Variants in UNC5D observed in about 807,000 individuals in gnomAD.
The protein encoded by UNC5D is unc-5 netrin receptor D, also known as netrin receptor UNC5D.
A neutral mutation model predicts 105.4 loss-of-function variants in UNC5D; 39 were observed. The ratio of observed to expected loss-of-function variants is 0.37; its 90% CI spans 0.29 to 0.48. The LOEUF is 0.48. Ranked by LOEUF, UNC5D falls within the 20% of genes least tolerant of loss-of-function variation. The pLI is 0.98. For synonymous variants in UNC5D, 452 were observed against 450.4 expected (o/e 1.00, Z -0.04); for missense variants, 991 against 1,202.4 (o/e 0.82, Z 2.60).
intron 1 of UNC5D, among the ~76,000 whole-genome samples, chr8:35,533,649 G>A (rs1053433407): frequency 4.8e-4 from 73 of 152,264 alleles, no homozygotes; most frequent in African/African-American, 1.7e-3. Flanking sequence ...CCCCAGCCTC[G>A]CTGCCACCTT....
chr8:35,367,704 CAGGCAAG>C (rs1802198386), intron 1 of UNC5D, among the ~76,000 whole-genome samples: 1 of 151,298 alleles, frequency 6.6e-6, no homozygotes, highest in South Asian at 2.1e-4. Flanking sequence ...TAAAACAGAG[CAGGCAAG>C]AGGAGTGAAT....
At chr8:35,788,164 C>G (rs1432737022) in intron 16 of UNC5D, among the ~76,000 whole-genome samples, 1 of 151,194 alleles carries the variant, frequency 6.6e-6, no homozygotes, top group Non-Finnish European at 1.5e-5. Context: ...TAAAACAGCA[C>G]TTTATTCACT....
chr8:35,239,811 G>A (rs928253369), intron 1 of UNC5D, among the ~76,000 whole-genome samples: 7 of 152,034 alleles, frequency 4.6e-5, no homozygotes, highest in African/African-American at 1.7e-4. Flanking sequence ...CAATGGAAAC[G>A]TTCCCTATTT....
intron 1 of UNC5D, among the ~76,000 whole-genome samples, chr8:35,384,671 C>G (rs1353558877): frequency 6.6e-6 from 1 of 152,206 alleles, no homozygotes; most frequent in African/African-American, 2.4e-5. Context: ...GAGCCAGTGA[C>G]CCACATTTAT....
intron 1 of UNC5D, among the ~76,000 whole-genome samples, chr8:35,401,861 G>A (rs1017637596): frequency 1.2e-4 from 19 of 152,172 alleles, no homozygotes; most frequent in African/African-American, 3.4e-4. Context: ...TGGCAAAGTC[G>A]GCATTATCCT....
chr8:35,774,472 C>T lies in UNC5D; in HGVS notation c.2652C>T (p.Ile884=). The T allele has an allele frequency of 6.2e-7, 1 of 1,613,938 alleles. No homozygotes were observed. The highest frequency in any genetic ancestry group is 8.5e-7 in the Non-Finnish European group (1 of 1,179,938). ...AGATGTTAGCACAGAAAAACAGCATCAACAGGTAATTGGGGACAGCTTCTG... is the reference window on the plus strand; with the variant it reads ...AGATGTTAGCACAGAAAAACAGCATTAACAGGTAATTGGGGACAGCTTCTG... The part of the protein sequence containing the change: ...DWQMLAQKNS[I]NRNLSYFATQ... Residue 884 remains isoleucine, a synonymous_variant, in exon 16 of 17, where the codon ATC becomes ATT. Coordinates refer to ENST00000404895, the MANE Select transcript of UNC5D (RefSeq NM_080872.4).
chr8:35,401,200 G>A (rs1804436082), intron 1 of UNC5D, among the ~76,000 whole-genome samples: 1 of 152,054 alleles, frequency 6.6e-6, no homozygotes, highest in African/African-American at 2.4e-5. Flanking sequence ...CTCAAAATGA[G>A]GGGCCAGGTG....
intron 16 of UNC5D, among the ~76,000 whole-genome samples, chr8:35,789,684 A>G (rs535250255): frequency 6.6e-6 from 1 of 152,268 alleles, no homozygotes; most frequent in East Asian, 1.9e-4. Context: ...GTATAGATTT[A>G]CAATACTATC....
chr8:35,357,020 A>G lies in UNC5D; in HGVS notation c.103+121133A>G, dbSNP rs546332280. Among the ~76,000 whole-genome samples the G allele has an allele frequency of 2.6e-5, 4 of 152,214 alleles. No individual in the cohort carries two copies. In the East Asian group the frequency reaches 5.8e-4, roughly 22 times the overall value. ...TAACATTTTCAGACCAAGATTGACC[A>G]TGAGTAACTGAACTGTGGAAAAAGA... is the stretch of plus-strand genomic sequence containing the variant. On this transcript the variant is annotated intron_variant, in intron 1 of 16. Coordinates refer to ENST00000404895, the MANE Select transcript of UNC5D (RefSeq NM_080872.4).
At chr8:35,750,461 C>A in intron 12 of UNC5D, 121 bp from the exon 13 acceptor site, 1 of 970,234 alleles carries the variant, frequency 1.0e-6, no homozygotes, top group South Asian at 1.5e-5. Flanking sequence ...GATAATTGGG[C>A]AATAGGACTA....
chr8:35,306,452 T>C (rs2128875405), intron 1 of UNC5D, among the ~76,000 whole-genome samples: 1 of 152,194 alleles, frequency 6.6e-6, no homozygotes, highest in East Asian at 1.9e-4. Flanking sequence ...TGTTAAAATT[T>C]TTCTGTGGTT....
intron 1 of UNC5D, among the ~76,000 whole-genome samples, chr8:35,396,658 C>T (rs898308715): frequency 6.6e-6 from 1 of 152,036 alleles, no homozygotes; most frequent in Non-Finnish European, 1.5e-5. Context: ...CCATCACGCC[C>T]ACCTAATTTT....
chr8:35,547,760 C>T (rs957178360), intron 1 of UNC5D, among the ~76,000 whole-genome samples: 1 of 152,166 alleles, frequency 6.6e-6, no homozygotes, highest in Non-Finnish European at 1.5e-5. Flanking sequence ...TTCCCAGACT[C>T]TCTTCGGAGA....
intron 3 of UNC5D, among the ~76,000 whole-genome samples, chr8:35,580,204 TG>T (rs1818386569): frequency 6.6e-6 from 1 of 152,170 alleles, no homozygotes; most frequent in African/African-American, 2.4e-5. Flanking sequence ...GAACTACCTG[TG>T]GAATATTCAA....
At chr8:35,495,753 T>C (rs1811542098) in intron 1 of UNC5D, among the ~76,000 whole-genome samples, 1 of 152,176 alleles carries the variant, frequency 6.6e-6, no homozygotes, top group Non-Finnish European at 1.5e-5. Flanking sequence ...AAAAATTTCA[T>C]TGAAATACTA....
At chr8:35,614,475 A>T (rs942099218) in intron 4 of UNC5D, among the ~76,000 whole-genome samples, 142 of 152,226 alleles carry the variant, frequency 9.3e-4, no homozygotes, top group African/African-American at 3.1e-3. Context: ...GTCCACATAA[A>T]CTTTGCTTTG....
intron 1 of UNC5D, among the ~76,000 whole-genome samples, chr8:35,510,511 C>A (rs1812633008): frequency 6.6e-6 from 1 of 152,220 alleles, no homozygotes; most frequent in Non-Finnish European, 1.5e-5. Flanking sequence ...TTTTTAGCGA[C>A]AATAAGGCTT....
At chr8:35,768,972 C>T (rs969752993) in intron 15 of UNC5D, among the ~76,000 whole-genome samples, 4 of 152,174 alleles carry the variant, frequency 2.6e-5, no homozygotes, top group African/African-American at 7.2e-5. Context: ...TCAAGCATAG[C>T]TACAGAATTT....
intron 11 of UNC5D, among the ~76,000 whole-genome samples, chr8:35,742,684 C>A (rs11993299): frequency 1.3e-5 from 2 of 152,196 alleles, no homozygotes; most frequent in East Asian, 1.9e-4. Context: ...TTAAAGAAAG[C>A]GAAGTGTTAC....
Sources: allele counts gnomAD v4.1 joint callset (sites outside exome capture counted in the v4.1 genomes callset), GRCh38; gene constraint gnomAD v4.1.1; transcripts MANE v1.5; gene names NCBI Gene and HGNC (gene_info 2026-07-23, HGNC 2026-07-21).